The following UMAD1 variants were observed in gnomAD, a reference collection of about 807,000 sequenced individuals.
UMAD1 encodes UBAP1-MVB12-associated (UMA)-domain containing protein 1.
UMAD1 carries 8 observed loss-of-function variants against 6.1 expected under a neutral mutation model. That is an observed-to-expected ratio of 1.30 (90% CI 0.76 to 2.35). UMAD1 has a LOEUF of 2.35. Among genes scored for constraint, UMAD1 ranks in the 30% most tolerant of loss-of-function variants. The pLI, the probability that UMAD1 is intolerant of heterozygous loss-of-function variation, is 0.00. For missense variants in UMAD1, 130 were observed against 78.4 expected (o/e 1.66, Z -2.49); for synonymous variants, 56 against 31.4 (o/e 1.78, Z -2.61).
intron 2 of UMAD1, among the ~76,000 whole-genome samples, chr7:7,721,599 C>G (rs997635773): frequency 6.6e-6 from 1 of 152,178 alleles, no homozygotes; most frequent in Non-Finnish European, 1.5e-5. Context: ...CTTTTATGAT[C>G]TTCTACTGGA....
At chr7:7,655,404 T>A (rs1465778358) in intron 1 of UMAD1, among the ~76,000 whole-genome samples, 3 of 152,056 alleles carry the variant, frequency 2.0e-5, no homozygotes, top group Non-Finnish European at 4.4e-5. Flanking sequence ...CAAGAAAAAA[T>A]AAAATAAATT....
intron 2 of UMAD1, among the ~76,000 whole-genome samples, chr7:7,680,637 A>G (rs1252042316): frequency 1.3e-5 from 2 of 152,052 alleles, no homozygotes; most frequent in Non-Finnish European, 2.9e-5. Flanking sequence ...GGTAGTATGG[A>G]CATTTTAACA....
chr7:7,776,482 G>C (rs1257926901), intron 2 of UMAD1, among the ~76,000 whole-genome samples: 1 of 152,090 alleles, frequency 6.6e-6, no homozygotes, highest in Non-Finnish European at 1.5e-5. Context: ...GTAAACCATG[G>C]GGAAAACTAG....
chr7:7,661,478 T>C (rs1785472804), intron 1 of UMAD1, among the ~76,000 whole-genome samples: 1 of 152,190 alleles, frequency 6.6e-6, no homozygotes, highest in African/African-American at 2.4e-5. Context: ...GCTGGTGACC[T>C]TTCAGTGGGG....
intron 2 of UMAD1, among the ~76,000 whole-genome samples, chr7:7,747,973 C>CTTGTT (rs976934189): frequency 5.9e-5 from 9 of 152,036 alleles, no homozygotes; most frequent in African/African-American, 2.2e-4. Context: ...ATATATGTTT[C>CTTGTT]TTGTTTTGTT....
intron 1 of UMAD1, among the ~76,000 whole-genome samples, chr7:7,654,079 TTC>T (rs1335539525): frequency 1.3e-5 from 2 of 152,174 alleles, no homozygotes; most frequent in Non-Finnish European, 2.9e-5. Flanking sequence ...AAGCAGTCAT[TTC>T]TTATCACTGC....
chr7:7,793,330 C>G (rs964069738), intron 2 of UMAD1, among the ~76,000 whole-genome samples: 2 of 152,180 alleles, frequency 1.3e-5, no homozygotes, highest in Non-Finnish European at 2.9e-5. Context: ...AATCCATTCT[C>G]TTTCCACAGT....
At chr7:7,799,993 C>G (rs1442350877) in intron 2 of UMAD1, among the ~76,000 whole-genome samples, 1 of 152,230 alleles carries the variant, frequency 6.6e-6, no homozygotes, top group Non-Finnish European at 1.5e-5. Context: ...AAGTGATTCT[C>G]CTGCCTCAGC....
At chr7:7,795,799 C>T (rs142285025) in intron 2 of UMAD1, among the ~76,000 whole-genome samples, 1 of 152,218 alleles carries the variant, frequency 6.6e-6, no homozygotes, top group African/African-American at 2.4e-5. Context: ...ATATAATGAA[C>T]ATTGAGGATG....
chr7:7,683,684 A>T (rs534252359), intron 2 of UMAD1, among the ~76,000 whole-genome samples: 2 of 151,094 alleles, frequency 1.3e-5, no homozygotes, highest in African/African-American at 4.9e-5. Flanking sequence ...GTGCAGTGGC[A>T]TGGTCTCTGT....
At chr7:7,808,590 G>A (rs573844768) in intron 3 of UMAD1, among the ~76,000 whole-genome samples, 13 of 151,968 alleles carry the variant, frequency 8.6e-5, no homozygotes, top group African/African-American at 3.1e-4. Flanking sequence ...TCTAGTTTTA[G>A]CAGATATTTT....
intron 2 of UMAD1, among the ~76,000 whole-genome samples, chr7:7,681,331 T>C (rs920982526): frequency 6.6e-6 from 1 of 152,176 alleles, no homozygotes; most frequent in African/African-American, 2.4e-5. Flanking sequence ...GCAGAGTTGA[T>C]GGAATCAACA....
intron 3 of UMAD1, among the ~76,000 whole-genome samples, chr7:7,859,419 ATCTT>A (rs1784075636): frequency 6.6e-6 from 1 of 152,210 alleles, no homozygotes; most frequent in Admixed American, 6.5e-5. Context: ...CCTTTGGAAT[ATCTT>A]TCTGAATTAC....
At chr7:7,748,239 C>T (rs12702643) in intron 2 of UMAD1, among the ~76,000 whole-genome samples, 18,164 of 151,696 alleles carry the variant, frequency 0.12, 1,186 homozygotes, top group East Asian at 0.2. Context: ...CCACCGTGCC[C>T]GGCCTATATG....
At chr7:7,648,656 G>A (rs1434120809) in intron 1 of UMAD1, among the ~76,000 whole-genome samples, 1 of 151,524 alleles carries the variant, frequency 6.6e-6, no homozygotes, top group African/African-American at 2.4e-5. Context: ...TTCGAGACAA[G>A]CCTGGGCAAC....
intron 3 of UMAD1, among the ~76,000 whole-genome samples, chr7:7,871,623 C>T (rs1784334626): frequency 6.6e-6 from 1 of 152,126 alleles, no homozygotes; most frequent in Admixed American, 6.5e-5. Context: ...TCATTGTCAT[C>T]CTAGTTGTCT....
intron 1 of UMAD1, among the ~76,000 whole-genome samples, chr7:7,645,252 T>C (rs182629741): frequency 6.6e-6 from 1 of 152,346 alleles, no homozygotes. Flanking sequence ...TTCAGTACCA[T>C]TTTGAATAGA....
Position 7,742,497 on chromosome 7 carries a change from C to G in UMAD1, c.83-59173C>G, listed in dbSNP as rs953676738. The G allele has an allele frequency of 2.1e-5, 11 of 520,930 alleles. No individual in the cohort carries two copies. In the African/African-American group the frequency reaches 2.2e-4, roughly 10 times the overall value. 32.3% of individuals were successfully genotyped at this position (520,930 alleles called of 1,614,324 possible). ...CTTTCAACACTGCCTTCTTGGCCTT[C>G]GAAGCCTTCACTTTGGCTTCAGCTG... On this transcript the variant is annotated intron_variant, in intron 2 of 3. Transcript: ENST00000682710.
chr7:7,719,009 A>G (rs1780988444), intron 2 of UMAD1, among the ~76,000 whole-genome samples: 2 of 152,154 alleles, frequency 1.3e-5, no homozygotes, highest in Admixed American at 1.3e-4. Context: ...GAGGAAGAAA[A>G]TTGAAATTTT....
Sources: gnomAD v4.1 joint callset for allele counts (sites outside exome capture counted in the v4.1 genomes callset) on GRCh38, gnomAD v4.1.1 for gene constraint, MANE v1.5 for transcripts, NCBI Gene and HGNC (gene_info 2026-07-23, HGNC 2026-07-21) for gene names.